Variants in EPB41L4B observed in about 807,000 individuals in gnomAD.
EPB41L4B encodes band 4.1-like protein 4B.
Under a neutral mutation model 112.5 loss-of-function variants are expected in EPB41L4B, and 30 were observed. That is an observed-to-expected ratio of 0.27 (90% confidence interval 0.20 to 0.36). The LOEUF is 0.36. Among genes scored for constraint, EPB41L4B ranks in the 10% least tolerant of loss-of-function variants. EPB41L4B has a pLI of 1.00. For synonymous variants in EPB41L4B, 408 were observed against 439.7 expected (o/e 0.93, Z 0.90); for missense variants, 1,024 against 1,133.3 (o/e 0.90, Z 1.38).
At chr9:109,241,552 T>C in intron 15 of EPB41L4B, 1 of 1,534,366 alleles carries the variant, frequency 6.5e-7, no homozygotes. Context: ...CTTTCAGGAC[T>C]ACTCCTTAAA....
intron 1 of EPB41L4B, among the ~76,000 whole-genome samples, chr9:109,285,843 CA>C (rs1019516446): frequency 6.6e-6 from 1 of 152,192 alleles, no homozygotes; most frequent in African/African-American, 2.4e-5. Flanking sequence ...TTAGCCCAAA[CA>C]TTCCGTCTTT....
At chr9:109,187,536 C>G (rs796602970) in intron 22 of EPB41L4B, among the ~76,000 whole-genome samples, 7 of 152,244 alleles carry the variant, frequency 4.6e-5, no homozygotes, top group African/African-American at 1.7e-4. Context: ...TCCTGCTGCT[C>G]TCTATGGACC....
At chr9:109,286,650 T>C (rs1169668881) in intron 1 of EPB41L4B, among the ~76,000 whole-genome samples, 1 of 152,108 alleles carries the variant, frequency 6.6e-6, no homozygotes, top group African/African-American at 2.4e-5. Context: ...CAACCACCAC[T>C]CTGGGTGTTG....
rs1373629841 is a variant in EPB41L4B at position 109,173,876 on chromosome 9, G to A, written c.*678C>T. ...CTTGATATTGAATCATCTTAACCTT[G>A]TAAGGATTTTTAGACAATGTAAGCT... On this transcript the variant is annotated 3_prime_UTR_variant, in exon 26 of 26. Coordinates refer to ENST00000374566, the MANE Select transcript of EPB41L4B (RefSeq NM_019114.5). 1 of 152,290 alleles carries A rather than the reference G, an allele frequency of 6.6e-6. No homozygotes were observed. Among genetic ancestry groups the A allele is most frequent in the African/African-American group, 2.4e-5 (1 of 41,446 alleles). 9.4% of individuals were successfully genotyped at this position (152,290 alleles called of 1,614,324 possible).
At chr9:109,287,318 A>C (rs1287660202) in intron 1 of EPB41L4B, among the ~76,000 whole-genome samples, 1 of 152,210 alleles carries the variant, frequency 6.6e-6, no homozygotes, top group East Asian at 1.9e-4. Context: ...CTTAGGTAAG[A>C]TGCTGCTGAC....
chr9:109,187,017 G>T (rs1388934354), intron 22 of EPB41L4B, among the ~76,000 whole-genome samples: 1 of 152,192 alleles, frequency 6.6e-6, no homozygotes, highest in East Asian at 1.9e-4. Flanking sequence ...GCCCAGCAGA[G>T]GTCCAACAGC....
At chr9:109,316,367 G>A (rs1837634111) in intron 1 of EPB41L4B, among the ~76,000 whole-genome samples, 1 of 152,254 alleles carries the variant, frequency 6.6e-6, no homozygotes, top group South Asian at 2.1e-4. Flanking sequence ...GGCAACGGGA[G>A]GCGGGGCTGA....
chr9:109,203,588 C>G, intron 19 of EPB41L4B, 75 bp downstream of exon 19: 1 of 1,215,860 alleles, frequency 8.2e-7, no homozygotes, highest in Non-Finnish European at 1.2e-6. Context: ...CTAATGCCCT[C>G]GTGAGCAATG....
chr9:109,218,101 G>C (rs554360775), intron 15 of EPB41L4B, among the ~76,000 whole-genome samples: 59 of 145,464 alleles, frequency 4.1e-4, no homozygotes, highest in Admixed American at 7.6e-4. Context: ...CAAGGAGCTT[G>C]AATATATCTC....
At chr9:109,207,686 T>C (rs1833032069) in intron 18 of EPB41L4B, among the ~76,000 whole-genome samples, 1 of 152,212 alleles carries the variant, frequency 6.6e-6, no homozygotes, top group Non-Finnish European at 1.5e-5. Flanking sequence ...AGGTGACTTA[T>C]GCACAATAAC....
chr9:109,245,726 T>C (rs1374149129), intron 14 of EPB41L4B, among the ~76,000 whole-genome samples: 1 of 152,202 alleles, frequency 6.6e-6, no homozygotes, highest in East Asian at 1.9e-4. Flanking sequence ...CTTCACGGTA[T>C]TCACATGCCA....
rs1835452806 is a variant in EPB41L4B at position 109,267,540 on chromosome 9, A to T, written c.466T>A (p.Tyr156Asn). 8 of 1,610,358 alleles carry T rather than the reference A, an allele frequency of 5.0e-6. No individual in the cohort carries two copies. The highest frequency in any genetic ancestry group is 6.8e-6 in the Non-Finnish European group (8 of 1,176,694). Residue 156 changes from tyrosine (Y) to asparagine (N), a missense_variant, in exon 4 of 26, where the codon TAT (tyrosine) becomes AAT (asparagine). Coordinates refer to ENST00000374566, the MANE Select transcript of EPB41L4B (RefSeq NM_019114.5). ...IKKQMKIGPA[Y>N]ALHFRVKYYS... ...TATTTAACTCGAAAGTGTAAAGCAT[A>T]AGCAGGTCCAACTAAACATTTGGAG... is the stretch of plus-strand genomic sequence containing the variant.
At chr9:109,303,134 A>G (rs1421654798) in intron 1 of EPB41L4B, among the ~76,000 whole-genome samples, 1 of 151,878 alleles carries the variant, frequency 6.6e-6, no homozygotes, top group East Asian at 1.9e-4. Context: ...AAAAGGGTAT[A>G]CATAGTATGA....
At chr9:109,254,468 C>T (rs904372466) in intron 11 of EPB41L4B, among the ~76,000 whole-genome samples, 6 of 145,316 alleles carry the variant, frequency 4.1e-5, no homozygotes, top group Non-Finnish European at 9.0e-5. Context: ...ACAGTAGAAA[C>T]ATTTGAAATG....
chr9:109,304,938 A>G (rs1405947309), intron 1 of EPB41L4B, among the ~76,000 whole-genome samples: 1 of 152,152 alleles, frequency 6.6e-6, no homozygotes, highest in African/African-American at 2.4e-5. Flanking sequence ...GGTGATGACA[A>G]TATTCCAGAG....
chr9:109,187,399 G>A (rs1832306929), intron 22 of EPB41L4B, among the ~76,000 whole-genome samples: 1 of 145,834 alleles, frequency 6.9e-6, no homozygotes, highest in South Asian at 2.2e-4. Flanking sequence ...TTTGGGAGAT[G>A]TAGAAATTGC....
chr9:109,304,426 T>C lies in EPB41L4B; in HGVS notation c.306+15715A>G, dbSNP rs539474833. Among the ~76,000 whole-genome samples the C allele has an allele frequency of 5.9e-5, 9 of 152,352 alleles. No homozygotes were observed. In the South Asian group the frequency reaches 1.9e-3, roughly 32 times the overall value. ...AGCGCACAATCAACCCCAGGAATTC[T>C]GTTCTGCAGTCCCGAGGGGCACCTC... On this transcript the variant is annotated intron_variant, in intron 1 of 25. Transcript: ENST00000374566.
intron 1 of EPB41L4B, among the ~76,000 whole-genome samples, chr9:109,298,603 C>G (rs760111967): frequency 6.6e-6 from 1 of 152,192 alleles, no homozygotes; most frequent in Non-Finnish European, 1.5e-5. Context: ...TGAGCCACGG[C>G]GCCTGGCCCA....
chr9:109,247,179 T>TTG (rs1412060505), intron 14 of EPB41L4B, among the ~76,000 whole-genome samples: 4 of 151,784 alleles, frequency 2.6e-5, no homozygotes, highest in African/African-American at 9.7e-5. Context: ...ACTAGTTTTT[T>TTG]TTTTTTTTTT....
Sources: allele counts gnomAD v4.1 joint callset (sites outside exome capture counted in the v4.1 genomes callset), GRCh38; gene constraint gnomAD v4.1.1; transcripts MANE v1.5; gene names NCBI Gene and HGNC (gene_info 2026-07-23, HGNC 2026-07-21).